The following SEC14L3 variants were observed in gnomAD, a reference collection of about 807,000 sequenced individuals.
SEC14L3 encodes the protein SEC14-like protein 3.
In SEC14L3, 56 loss-of-function variants were observed where a neutral mutation model predicts 57.4. The observed-to-expected ratio is 0.97, with a 90% CI of 0.79 to 1.22. SEC14L3 has a LOEUF of 1.22. Among genes scored for constraint, SEC14L3 ranks in the 50% most tolerant of loss-of-function variants. SEC14L3 has a pLI of 0.00. For synonymous variants in SEC14L3, 173 were observed against 194.4 expected, an observed-to-expected ratio of 0.89 and a Z score of 0.92; for missense variants, 485 against 511.7, an observed-to-expected ratio of 0.95 and a Z score of 0.50.
intron 11 of SEC14L3, 26 bp downstream of exon 11, chr22:30,461,284 C>A: frequency 6.4e-7 from 1 of 1,551,200 alleles, no homozygotes. Flanking sequence ...CCTTTCAGAG[C>A]CAGGTCCCAG....
In SEC14L3 at chr22:30,464,930, G is replaced by A. The variant is rs752656309; in HGVS notation, c.581-27C>T. The A allele has an allele frequency of 2.5e-5, 40 of 1,613,426 alleles. No individual in the cohort carries two copies. The Admixed American group carries it at 6.5e-4, about 26-fold the overall frequency. On this transcript the variant is annotated intron_variant, in intron 7 of 11. Coordinates refer to ENST00000215812, the MANE Select transcript of SEC14L3 (RefSeq NM_174975.5). ...TGGAGAGATAGAAGTAAGGATAATG[G>A]GAAGAAAAGAATTACATTGGGCAAC...
Position 30,459,525 on chromosome 22 carries a change from A to T in SEC14L3, c.*496T>A, listed in dbSNP as rs976390176. 1.0e-6 allele frequency: 1 copy of T among 985,968 alleles called. No homozygotes were observed. Among genetic ancestry groups the T allele is most frequent in the Non-Finnish European group, 1.2e-6 (1 of 830,328 alleles). The allele number at this position is 985,968 out of a possible 1,614,324, so 61.1% of individuals were successfully genotyped here. ...TGTCCAAGGTGCTGAAATCCACCCCACATAGGCTCCTCCTAATCATGTACA... is the reference window on the plus strand; with the variant it reads ...TGTCCAAGGTGCTGAAATCCACCCCTCATAGGCTCCTCCTAATCATGTACA... On this transcript the variant is annotated 3_prime_UTR_variant, in exon 12 of 12. Coordinates refer to ENST00000215812, the MANE Select transcript of SEC14L3 (RefSeq NM_174975.5).
chr22:30,469,948 C>A (rs1287151239), intron 4 of SEC14L3, 71 bp downstream of exon 4: 13 of 1,208,626 alleles, frequency 1.1e-5, no homozygotes, highest in Admixed American at 2.3e-5. Context: ...TGCTGCCCCT[C>A]ATTCATGGTC....
downstream of SEC14L3, among the ~76,000 whole-genome samples, chr22:30,447,715 G>A (rs1488918572): frequency 6.6e-6 from 1 of 152,202 alleles, no homozygotes; most frequent in Non-Finnish European, 1.5e-5. Flanking sequence ...ACTAGTGTTA[G>A]TAAATCCATC....
In SEC14L3 at chr22:30,461,468, G is replaced by A. The variant is rs1935259251; in HGVS notation, c.923C>T (p.Ser308Leu). 1.2e-6 allele frequency: 2 copies of A among 1,613,570 alleles called. No homozygotes were observed. The highest frequency in any genetic ancestry group is 2.7e-5 in the African/African-American group (2 of 74,866). ...GAAGCCGATGTCCGCACCATCAGAT[G>A]AGAACTGCCACCTGTCAGGGGGAGG... is the stretch of plus-strand genomic sequence containing the variant. Reference protein sequence around the residue: ...FPGCVLRWQFSSDGADIGFGV... With the variant: ...FPGCVLRWQFLSDGADIGFGV... Residue 308 changes from serine to leucine, a missense_variant, in exon 11 of 12, where the codon TCA becomes TTA. Physicochemically the swap from Ser to Leu is moderately radical, Grantham distance 145. Coordinates refer to ENST00000215812, the MANE Select transcript of SEC14L3 (RefSeq NM_174975.5).
At chr22:30,451,874 C>T (rs926103234) in intron 12 of SEC14L3, among the ~76,000 whole-genome samples, 1 of 151,488 alleles carries the variant, frequency 6.6e-6, no homozygotes, top group Admixed American at 6.6e-5. Context: ...CACCTGTAGT[C>T]CCAGCTACTC....
chr22:30,458,091 G>C (rs1192888471), downstream of SEC14L3, among the ~76,000 whole-genome samples: 2 of 152,220 alleles, frequency 1.3e-5, no homozygotes, highest in Non-Finnish European at 2.9e-5. Context: ...TTGTTTCCAA[G>C]GAGCCTCTCA....
At chr22:30,463,319 C>T (rs1935324509) in intron 8 of SEC14L3, among the ~76,000 whole-genome samples, 1 of 152,224 alleles carries the variant, frequency 6.6e-6, no homozygotes, top group Admixed American at 6.5e-5. Context: ...ATGCCCCAGC[C>T]TTATGGCTAA....
intron 8 of SEC14L3, among the ~76,000 whole-genome samples, chr22:30,463,114 C>T (rs1021275129): frequency 6.6e-6 from 1 of 152,208 alleles, no homozygotes; most frequent in Non-Finnish European, 1.5e-5. Context: ...GAGTTTAGAG[C>T]TCAATGACGT....
rs761790268 is a variant in SEC14L3 at position 30,470,584 on chromosome 22, T to C, written c.55-2A>G. The stretch of plus-strand genomic sequence containing the variant: ...CACATCCTGGACGTTTTCTCGGAAC[T>C]GGCAAGAGAGATGCTGGTTAAAGTG... On this transcript the variant is annotated splice_acceptor_variant, in intron 1 of 11. Coordinates refer to ENST00000215812, the MANE Select transcript of SEC14L3 (RefSeq NM_174975.5). LOFTEE classifies it high-confidence loss of function. The C allele has an allele frequency of 1.9e-6, 3 of 1,614,194 alleles. No homozygotes were observed. Among genetic ancestry groups the C allele is most frequent in the Non-Finnish European group, 2.5e-6 (3 of 1,180,028 alleles).
chr22:30,470,347 G>T, intron 2 of SEC14L3, 92 bp from the exon 3 acceptor site: 1 of 1,589,370 alleles, frequency 6.3e-7, no homozygotes, highest in Non-Finnish European at 8.6e-7. Context: ...GGGGGCCTGG[G>T]TGAGACCTTG....
exon 13 of SEC14L3, chr22:30,448,990 A>G: frequency 8.6e-7 from 1 of 1,165,196 alleles, no homozygotes; most frequent in Non-Finnish European, 1.2e-6. Context: ...CAGCATGGCA[A>G]GGCGGTCAGG....
At chr22:30,457,000 G>T (rs1370416314), downstream of SEC14L3, among the ~76,000 whole-genome samples, 1 of 152,148 alleles carries the variant, frequency 6.6e-6, no homozygotes, top group Non-Finnish European at 1.5e-5. Context: ...CCTCCACTCA[G>T]CTGCCACAGA....
chr22:30,462,411 C>G (rs2042598995), intron 8 of SEC14L3: 1 of 246,434 alleles, frequency 4.1e-6, no homozygotes, highest in Non-Finnish European at 6.5e-6. Context: ...TGAATCAGCA[C>G]TTTTTTTTTC....
chr22:30,451,321 A>AG lies in SEC14L3; in HGVS notation c.905-2078dup, dbSNP rs1934976629. On this transcript the variant is annotated intron_variant, in intron 12 of 12. Transcript: ENST00000403066. Reference sequence around the variant, plus strand: ...ATGGCTTGGGTGGGGTTAGTCGGGGAGGGGATGGACACTGACCTTAAGCCT... The same window carrying AG: ...ATGGCTTGGGTGGGGTTAGTCGGGGAGGGGGATGGACACTGACCTTAAGCCT... Among the ~76,000 whole-genome samples, 3 of 151,784 alleles carry AG rather than the reference A, an allele frequency of 2.0e-5. No individual in the cohort carries two copies. The South Asian group carries it at 6.3e-4, about 32-fold the overall frequency.
intron 5 of SEC14L3, 71 bp downstream of exon 5, chr22:30,468,437 G>T: frequency 8.5e-7 from 1 of 1,182,750 alleles, no homozygotes; most frequent in Non-Finnish European, 1.2e-6. Context: ...ACACAGGTGT[G>T]TTTCTGAGAC....
At chr22:30,470,743 T>A in intron 1 of SEC14L3, 161 bp from the exon 2 acceptor site, 1 of 951,752 alleles carries the variant, frequency 1.1e-6, no homozygotes, top group Non-Finnish European at 1.3e-6. Context: ...GATGGATCAC[T>A]GGATAGGTGG....
chr22:30,461,726 C>T lies in SEC14L3; in HGVS notation c.772-32G>A, dbSNP rs759965972. 8.8e-6 allele frequency: 14 copies of T among 1,594,002 alleles called. No homozygotes were observed. In the Admixed American group the frequency reaches 1.2e-4, roughly 14 times the overall value. ...ACATGGGATGAGATGGGCTTGCTTCCGTCTCCTGGCCATTGTTCATGTTTC... is the reference window on the plus strand; with the variant it reads ...ACATGGGATGAGATGGGCTTGCTTCTGTCTCCTGGCCATTGTTCATGTTTC... On this transcript the variant is annotated intron_variant, in intron 9 of 11. Coordinates refer to ENST00000215812, the MANE Select transcript of SEC14L3 (RefSeq NM_174975.5).
intron 12 of SEC14L3, among the ~76,000 whole-genome samples, chr22:30,450,861 A>G (rs192823104): frequency 2.6e-5 from 4 of 152,322 alleles, no homozygotes; most frequent in Admixed American, 1.3e-4. Flanking sequence ...GGCTCTTCCT[A>G]GCACACATAA....
Sources: allele counts gnomAD v4.1 joint callset (sites outside exome capture counted in the v4.1 genomes callset), GRCh38; gene constraint gnomAD v4.1.1; transcripts MANE v1.5; gene names NCBI Gene and HGNC (gene_info 2026-07-23, HGNC 2026-07-21).